EML6: variants seen among roughly 807,000 people sequenced by gnomAD.
EML6 encodes EMAP like 6.
Under a neutral mutation model 240.1 loss-of-function variants are expected in EML6, and 154 were observed. That is an observed-to-expected ratio of 0.64 (90% confidence interval 0.56 to 0.73). The LOEUF is 0.73. Among genes scored for constraint, EML6 ranks in the 30% least tolerant of loss-of-function variants. EML6 has a pLI of 0.00. For missense variants in EML6, 2,964 were observed against 2,474.6 expected (o/e 1.20, Z -4.20); for synonymous variants, 1,148 against 899.0 (o/e 1.28, Z -4.95).
chr2:54,865,069 T>C (rs1354854841), intron 13 of EML6, among the ~76,000 whole-genome samples: 1 of 152,190 alleles, frequency 6.6e-6, no homozygotes, highest in Non-Finnish European at 1.5e-5. Flanking sequence ...TGTGGAAATA[T>C]TATGCAAACA....
chr2:54,807,729 TA>T (rs1335275527), intron 2 of EML6, among the ~76,000 whole-genome samples: 2 of 152,256 alleles, frequency 1.3e-5, no homozygotes, highest in African/African-American at 4.8e-5. Flanking sequence ...CAGTATGTAT[TA>T]CCTTTGCTTT....
chr2:54,853,507 C>A (rs376516548), intron 10 of EML6, 136 bp from the exon 11 acceptor site: 3 of 577,354 alleles, frequency 5.2e-6, no homozygotes, highest in African/African-American at 3.9e-5. Flanking sequence ...AAGAAAAAAT[C>A]GCAAATGGGA....
At chr2:54,948,036 C>G (rs955123459) in intron 28 of EML6, among the ~76,000 whole-genome samples, 3 of 152,138 alleles carry the variant, frequency 2.0e-5, no homozygotes. Flanking sequence ...CTTTGCATAT[C>G]CCGGGAGCAA....
At chr2:54,839,923 G>A (rs952006863) in intron 7 of EML6, among the ~76,000 whole-genome samples, 4 of 152,184 alleles carry the variant, frequency 2.6e-5, no homozygotes, top group African/African-American at 9.7e-5. Context: ...TATATTTAAT[G>A]TCGATATTTA....
chr2:54,959,369 T>C (rs1055617695), intron 34 of EML6, 108 bp downstream of exon 34: 1 of 1,088,696 alleles, frequency 9.2e-7, no homozygotes, highest in Non-Finnish European at 1.3e-6. Flanking sequence ...TCCTCCTATC[T>C]TTTTTGCATT....
At chr2:54,903,595 A>T in intron 24 of EML6, 93 bp downstream of exon 24, 1 of 1,076,666 alleles carries the variant, frequency 9.3e-7, no homozygotes, top group Non-Finnish European at 1.3e-6. Flanking sequence ...GTTGAGTGTT[A>T]GAAATGGGAA....
In EML6 at chr2:54,968,704, G is replaced by A. The variant is rs776196786; in HGVS notation, c.5788G>A (p.Val1930Met). 27 of 1,551,308 alleles carry A rather than the reference G, an allele frequency of 1.7e-5. No homozygotes were observed. The highest frequency in any genetic ancestry group is 7.1e-5 in the South Asian group (6 of 84,052). Reference sequence around the variant, plus strand: ...GCGATACTTCGGTCACTCGGCTCACGTGACGAACATCCGTTTCTCTTATGA... The same window carrying A: ...GCGATACTTCGGTCACTCGGCTCACATGACGAACATCCGTTTCTCTTATGA... Reference protein sequence around the residue: ...HKRYFGHSAHVTNIRFSYDDK... With the variant: ...HKRYFGHSAHMTNIRFSYDDK... The change falls in exon 41 of 42, where the codon GTG becomes ATG. Residue 1930 changes from valine to methionine, a missense_variant. Transcript: ENST00000356458.
At chr2:54,778,457 G>T (rs1470280801) in intron 2 of EML6, among the ~76,000 whole-genome samples, 2 of 152,118 alleles carry the variant, frequency 1.3e-5, no homozygotes, top group East Asian at 3.8e-4. Context: ...ACCCTCAAAA[G>T]TCAGCTACGT....
chr2:54,779,007 A>G (rs932287325), intron 2 of EML6, among the ~76,000 whole-genome samples: 1 of 152,192 alleles, frequency 6.6e-6, no homozygotes, highest in Non-Finnish European at 1.5e-5. Flanking sequence ...ATGAACTAAC[A>G]CTTTACACTT....
chr2:54,968,590 T>C (rs1558736698), intron 40 of EML6, 78 bp from the exon 41 acceptor site: 2 of 846,916 alleles, frequency 2.4e-6, no homozygotes, highest in East Asian at 2.7e-5. Flanking sequence ...GAGCAGGGGA[T>C]TTGAGTGCTG....
chr2:54,926,291 AG>A (rs1191771124), intron 26 of EML6, among the ~76,000 whole-genome samples: 1 of 152,122 alleles, frequency 6.6e-6, no homozygotes, highest in Non-Finnish European at 1.5e-5. Flanking sequence ...TAGTAGAGTC[AG>A]GGTTTCACCA....
At chr2:54,751,296 T>A (rs1383720951) in intron 2 of EML6, among the ~76,000 whole-genome samples, 1 of 152,168 alleles carries the variant, frequency 6.6e-6, no homozygotes, top group African/African-American at 2.4e-5. Flanking sequence ...TTAGTGTAGT[T>A]CCTGAGAAAC....
chr2:54,738,576 A>G (rs913601159), intron 2 of EML6, among the ~76,000 whole-genome samples: 1 of 152,188 alleles, frequency 6.6e-6, no homozygotes. Flanking sequence ...TCCAGTGACA[A>G]TCCCCACTGC....
At chr2:54,935,356 T>A (rs1675083150) in intron 28 of EML6, among the ~76,000 whole-genome samples, 2 of 152,228 alleles carry the variant, frequency 1.3e-5, no homozygotes, top group Admixed American at 1.3e-4. Context: ...TTCTTTCTAA[T>A]GGAAAGTGGT....
Position 54,829,453 on chromosome 2 carries a change from A to G in EML6, c.823A>G (p.Arg275Gly). ...DFKPITKIDL[R>G]ETEQGYKGLS... ...CAAACCAATAACCAAAATTGATCTCAGGGAGACAGAACAAGGATACAAAGG... is the reference window on the plus strand; with the variant it reads ...CAAACCAATAACCAAAATTGATCTCGGGGAGACAGAACAAGGATACAAAGG... Residue 275 changes from arginine to glycine, a missense_variant, in exon 7 of 42, where the codon AGG (arginine) becomes GGG (glycine). Transcript: ENST00000356458. 2 of 1,549,710 alleles carry G rather than the reference A, an allele frequency of 1.3e-6. No homozygotes were observed. Among genetic ancestry groups the G allele is most frequent in the Non-Finnish European group, 1.7e-6 (2 of 1,144,768 alleles).
chr2:54,870,905 C>A (rs1558634350), intron 15 of EML6, among the ~76,000 whole-genome samples: 1 of 152,094 alleles, frequency 6.6e-6, no homozygotes, highest in Non-Finnish European at 1.5e-5. Flanking sequence ...GGTTTCCCCA[C>A]CCCCCACTAC....
At chr2:54,760,803 G>T (rs11891165) in intron 2 of EML6, among the ~76,000 whole-genome samples, 14,426 of 145,810 alleles carry the variant, frequency 0.099, 1,344 homozygotes, top group East Asian at 0.32. Context: ...TCTCCCCATT[G>T]CTTTGAAGTT....
chr2:54,866,979 A>C, intron 14 of EML6, 95 bp downstream of exon 14: 1 of 658,818 alleles, frequency 1.5e-6, no homozygotes, highest in South Asian at 2.0e-5. Context: ...CCCTCCCCTC[A>C]GTGTCGTCCT....
At chr2:54,835,934 C>T (rs780898494) in intron 7 of EML6, among the ~76,000 whole-genome samples, 1 of 152,176 alleles carries the variant, frequency 6.6e-6, no homozygotes, top group Non-Finnish European at 1.5e-5. Context: ...CCTGAGAACA[C>T]CCTTGTTTAC....
Sources: allele counts gnomAD v4.1 joint callset (sites outside exome capture counted in the v4.1 genomes callset), GRCh38; gene constraint gnomAD v4.1.1; transcripts MANE v1.5; gene names NCBI Gene and HGNC (gene_info 2026-07-23, HGNC 2026-07-21).